The following FLII variants were observed in gnomAD, a reference collection of about 807,000 sequenced individuals.
FLII encodes protein flightless-1 homolog.
FLII carries 101 observed loss-of-function variants against 156.2 expected under a neutral mutation model. That is an observed-to-expected ratio of 0.65 (90% CI 0.55 to 0.76). FLII has a LOEUF of 0.76. FLII is among the 30% of genes least tolerant of loss of function. The probability of loss-of-function intolerance (pLI) is 0.00; values close to 1 mark genes in which losing one functional copy is unlikely to be tolerated. For missense variants in FLII, 1,675 were observed against 1,682.8 expected, an observed-to-expected ratio of 1.00 and a Z score of 0.08; for synonymous variants, 767 against 685.8, an observed-to-expected ratio of 1.12 and a Z score of -1.85.
chr17:18,245,949 G>C lies in FLII; in HGVS notation c.3381C>G (p.Thr1127=). 2 of 1,614,056 alleles carry C rather than the reference G, an allele frequency of 1.2e-6. No individual in the cohort carries two copies. Among genetic ancestry groups the C allele is most frequent in the Non-Finnish European group, 1.7e-6 (2 of 1,179,984 alleles). ...AEDILNTMFD[T]SYSKQVINEG... is the part of the protein sequence containing the mutation. ...GCCTCCTGACCTGCTTGCTGTAGGAGGTGTCAAACATGGTGTTCAGGATGT... is the reference window on the plus strand; with the variant it reads ...GCCTCCTGACCTGCTTGCTGTAGGACGTGTCAAACATGGTGTTCAGGATGT... Residue 1127 remains threonine, a synonymous_variant, in exon 26 of 30, where the codon ACC becomes ACG. Transcript: ENST00000327031.
Position 18,245,856 on chromosome 17 carries a change from G to A in FLII, c.3397-6C>T, listed in dbSNP as rs767576199. On this transcript the variant is annotated splice_region_variant and splice_polypyrimidine_tract_variant and intron_variant, in intron 26 of 29. Coordinates refer to ENST00000327031, the MANE Select transcript of FLII (RefSeq NM_002018.4). ...TCCTCACCTTCGTTGATAACCTGCG[G>A]GAAAGGCCAGTCCAGCCCAGGGCCC... 1 of 1,613,964 alleles carries A rather than the reference G, an allele frequency of 6.2e-7. No homozygotes were observed. The highest frequency in any genetic ancestry group is 1.3e-5 in the African/African-American group (1 of 75,002).
intron 15 of FLII, 25 bp from the exon 16 acceptor site, chr17:18,249,226 A>C (rs779005297): frequency 7.4e-6 from 12 of 1,613,264 alleles, no homozygotes; most frequent in South Asian, 1.1e-5. Context: ...AGAGTGGCTC[A>C]GTGTAGGCAC....
rs546560472 is a variant in FLII, at chr17:18,258,534, C to A, written c.63+94G>T. 2.0e-6 allele frequency: 3 copies of A among 1,515,212 alleles called. No homozygotes were observed. The highest frequency in any genetic ancestry group is 8.8e-7 in the Non-Finnish European group (1 of 1,138,594). The allele number at this position is 1,515,212 out of a possible 1,614,324, so 93.9% of individuals were successfully genotyped here. A position where few individuals can be genotyped will look rare whatever the true frequency, so the allele number is the denominator to read the frequency against. On this transcript the variant is annotated intron_variant, in intron 1 of 29. Coordinates refer to ENST00000327031, the MANE Select transcript of FLII (RefSeq NM_002018.4). This position sits in a 1 kb window ranked among gnomAD's most constrained non-coding sequence, Gnocchi z 4.2. ...GCCGCAGTCCCTGGGACACGCAGGG[C>A]CTGGAGCCGAGCGGGACAGGAAGCG...
At position 18,245,225 on chromosome 17, in the gene FLII, C is replaced by G; in HGVS notation, c.3723G>C (p.Arg1241=). The change falls in exon 30 of 30, where the codon CGG becomes CGC. Residue 1241 remains arginine (R), a synonymous_variant. Coordinates refer to ENST00000327031, the MANE Select transcript of FLII (RefSeq NM_002018.4). ...MRSKEHERPR[R]LRLVRKGNEQ... is the part of the protein sequence containing the mutation. The stretch of plus-strand genomic sequence containing the variant: ...CATTGCCCTTGCGGACCAGGCGCAG[C>G]CGGCGCGGCCGCTCATGTTCCTTGG... 4 of 1,613,880 alleles carry G rather than the reference C, an allele frequency of 2.5e-6. No individual in the cohort carries two copies. Among genetic ancestry groups the G allele is most frequent in the Non-Finnish European group, 3.4e-6 (4 of 1,179,892 alleles).
intron 13 of FLII, 76 bp downstream of exon 13, chr17:18,251,189 T>C (rs1221571366): frequency 3.3e-6 from 5 of 1,526,902 alleles, no homozygotes; most frequent in Non-Finnish European, 4.5e-6. Flanking sequence ...TGAACAAAAC[T>C]CTGGAGTTGG....
At chr17:18,245,305 C>A in intron 29 of FLII, 33 bp from the exon 30 acceptor site, 1 of 1,613,684 alleles carries the variant, frequency 6.2e-7, no homozygotes, top group South Asian at 1.1e-5. Flanking sequence ...TGGGTGATGA[C>A]CCTGCCCTGC....
chr17:18,254,172 C>T lies in FLII; in HGVS notation c.586G>A (p.Ala196Thr). The change falls in exon 7 of 30, where the codon GCG becomes ACG. Residue 196 changes from alanine (A) to threonine (T), a missense_variant. Coordinates refer to ENST00000327031, the MANE Select transcript of FLII (RefSeq NM_002018.4). ...LLHAQLRQLP[A>T]MTALQTLHLR... ...TGCAGGGTCTGCAGGGCCGTCATCG[C>T]TGGGAGCTGCCTGCCAGGGTGACGT... 6.2e-7 allele frequency: 1 copy of T among 1,606,618 alleles called. No individual in the cohort carries two copies.
rs1206889645 is a variant in FLII, at chr17:18,244,959, C to T, written c.*179G>A. 1 of 690,386 alleles carries T rather than the reference C, an allele frequency of 1.4e-6. No homozygotes were observed. Among genetic ancestry groups the T allele is most frequent in the Non-Finnish European group, 2.5e-6 (1 of 403,898 alleles). The allele number at this position is 690,386 out of a possible 1,614,324, so 42.8% of individuals were successfully genotyped here. A position where few individuals can be genotyped will look rare whatever the true frequency, so the allele number is the denominator to read the frequency against. On this transcript the variant is annotated 3_prime_UTR_variant, in exon 30 of 30. Transcript: ENST00000327031. ...CACACTGTGGAGAGAGTTGGATTTC[C>T]CAGACCCCTGAGGGCACCTGTCAGG...
chr17:18,257,124 C>A, intron 1 of FLII, 105 bp from the exon 2 acceptor site: 1 of 654,366 alleles, frequency 1.5e-6, no homozygotes, highest in East Asian at 2.9e-5. Context: ...CAACTCTCAC[C>A]ATCTGTGAGA....
intron 10 of FLII, 33 bp downstream of exon 10, chr17:18,252,439 C>G (rs2048299454): frequency 6.3e-7 from 1 of 1,598,534 alleles, no homozygotes; most frequent in African/African-American, 1.3e-5. Context: ...TTGCTTGTCT[C>G]TCTTGAGCCC....
chr17:18,245,882 C>T, intron 26 of FLII, 32 bp from the exon 27 acceptor site: 1 of 1,613,892 alleles, frequency 6.2e-7, no homozygotes, highest in South Asian at 1.1e-5. Context: ...CCCAGGGCCC[C>T]TGCCTGCCCT....
At chr17:18,249,004 C>T (rs1412256129) in intron 16 of FLII, 121 bp from the exon 17 acceptor site, 2 of 1,380,008 alleles carry the variant, frequency 1.4e-6, no homozygotes, top group African/African-American at 2.9e-5. Context: ...CCAGGGACCC[C>T]CCGCCAAGCT....
chr17:18,248,723 T>C lies in FLII; in HGVS notation c.2019-2A>G, dbSNP rs2048166203. 6.2e-7 allele frequency: 1 copy of C among 1,613,802 alleles called. No homozygotes were observed. Among genetic ancestry groups the C allele is most frequent in the Non-Finnish European group, 8.5e-7 (1 of 1,179,720 alleles). Reference sequence around the variant, plus strand: ...TTGTTAATTTTCTCTGCAAAGAGCCTGAGAGCAGGATGCAAAGTCATCAGC... The same window carrying C: ...TTGTTAATTTTCTCTGCAAAGAGCCCGAGAGCAGGATGCAAAGTCATCAGC... On this transcript the variant is annotated splice_acceptor_variant, in intron 17 of 29. Coordinates refer to ENST00000327031, the MANE Select transcript of FLII (RefSeq NM_002018.4). LOFTEE classifies it high-confidence loss of function.
rs1380796518 is a variant in FLII at position 18,252,066 on chromosome 17, G to A, written c.1179C>T (p.Asp393=). 2 of 1,613,294 alleles carry A rather than the reference G, an allele frequency of 1.2e-6. No individual in the cohort carries two copies. Among genetic ancestry groups the A allele is most frequent in the Non-Finnish European group, 1.7e-6 (2 of 1,180,056 alleles). The change falls in exon 11 of 30, where the codon GAC becomes GAT. Residue 393 remains aspartate, a synonymous_variant. Coordinates refer to ENST00000327031, the MANE Select transcript of FLII (RefSeq NM_002018.4). ...ADRAAEWYNI[D]FSLQNQLRLA... ...GCCGCAGCTGGTTCTGCAGCGAGAA[G>A]TCGATGTTGTACCACTCAGCGGCAC...
At position 18,248,664 on chromosome 17, in the gene FLII, C is replaced by T; in HGVS notation, c.2076G>A (p.Leu692=). The change falls in exon 18 of 30, where the codon CTG becomes CTA. Residue 692 remains leucine, a synonymous_variant. Coordinates refer to ENST00000327031, the MANE Select transcript of FLII (RefSeq NM_002018.4). ...NERKGKAEIT[L]LVQGQELPEF... The stretch of plus-strand genomic sequence containing the variant: ...CTGGGAGCTCCTGGCCCTGCACCAG[C>T]AGTGTGATCTCAGCCTTCCCTTTCC... 1.2e-6 allele frequency: 2 copies of T among 1,614,062 alleles called. No homozygotes were observed. Among genetic ancestry groups the T allele is most frequent in the South Asian group, 1.1e-5 (1 of 91,082 alleles).
Position 18,247,201 on chromosome 17 carries a change from G to A in FLII, c.2644C>T (p.Leu882=), listed in dbSNP as rs1311520961. The A allele has an allele frequency of 3.2e-6, 5 of 1,581,644 alleles. No individual in the cohort carries two copies. The Admixed American group carries it at 7.2e-5, about 23-fold the overall frequency. The change falls in exon 21 of 30, where the codon CTG becomes TTG. Residue 882 remains leucine, a synonymous_variant. Transcript: ENST00000327031. ...AGCGACATGGGCGGCTGCCGCGGCA[G>A]GAAAAGCGCAGTGAGGTCAGCCTTC... ...QMKADLTALF[L]PRQPPMSLAE...
At position 18,247,068 on chromosome 17, in the gene FLII, A is replaced by G. The variant is rs1200877225; in HGVS notation, c.2677-16T>C. 6.2e-7 allele frequency: 1 copy of G among 1,604,218 alleles called. No homozygotes were observed. Among genetic ancestry groups the G allele is most frequent in the Admixed American group, 1.7e-5 (1 of 59,292 alleles). ...GCTGCTCCGCCTGCAGGTGAGAGGGACCCGCCCCGCGGCAGGTCTGAGCGC... is the reference window on the plus strand; with the variant it reads ...GCTGCTCCGCCTGCAGGTGAGAGGGGCCCGCCCCGCGGCAGGTCTGAGCGC... On this transcript the variant is annotated splice_polypyrimidine_tract_variant and intron_variant, in intron 21 of 29. Coordinates refer to ENST00000327031, the MANE Select transcript of FLII (RefSeq NM_002018.4).
chr17:18,253,393 G>T lies in FLII; in HGVS notation c.921C>A (p.Asp307Glu). The T allele has an allele frequency of 6.2e-7, 1 of 1,613,936 alleles. No individual in the cohort carries two copies. The highest frequency in any genetic ancestry group is 1.1e-5 in the South Asian group (1 of 91,088). ...GCTTGCCAATGCCTGAGGGCAGCCC[G>T]TCAAAGTCCAGCTTGTTGGAATTCA... ...LYLNSNKLDF[D>E]GLPSGIGKLT... is the part of the protein sequence containing the mutation. Residue 307 changes from aspartate (D) to glutamate (E), a missense_variant, in exon 9 of 30, where the codon GAC (aspartate) becomes GAA (glutamate). Physicochemically the swap from Asp to Glu is conservative, Grantham distance 45. Coordinates refer to ENST00000327031, the MANE Select transcript of FLII (RefSeq NM_002018.4).
rs772992287 is a variant in FLII, at chr17:18,245,079, A to G, written c.*59T>C. The G allele has an allele frequency of 9.7e-6, 15 of 1,553,694 alleles. No homozygotes were observed. The South Asian group carries it at 1.5e-4, about 16-fold the overall frequency. On this transcript the variant is annotated 3_prime_UTR_variant, in exon 30 of 30. Transcript: ENST00000327031. Reference sequence around the variant, plus strand: ...TCACCTGAGTACATTCTTTGCTAGCAGACAGTGGATGAGGCCCCTTCCTCT... The same window carrying G: ...TCACCTGAGTACATTCTTTGCTAGCGGACAGTGGATGAGGCCCCTTCCTCT...
Sources: allele counts gnomAD v4.1 joint callset, GRCh38; gene constraint gnomAD v4.1.1; non-coding constraint Gnocchi (gnomAD v3.1); transcripts MANE v1.5; gene names NCBI Gene and HGNC (gene_info 2026-07-23, HGNC 2026-07-21).